The following KAZN variants were observed in gnomAD, a reference collection of about 807,000 sequenced individuals.
KAZN encodes the protein kazrin, periplakin interacting protein.
In KAZN, 40 loss-of-function variants were observed where a neutral mutation model predicts 87.4. That is an observed-to-expected ratio of 0.46 (90% CI 0.36 to 0.60). KAZN has a LOEUF of 0.60. Among genes scored for constraint, KAZN ranks in the 20% least tolerant of loss-of-function variants. The pLI is 0.00. For synonymous variants in KAZN, 466 were observed against 458.3 expected, an observed-to-expected ratio of 1.02 and a Z score of -0.22; for missense variants, 898 against 1,073.9, an observed-to-expected ratio of 0.84 and a Z score of 2.29.
At chr1:15,044,975 T>C (rs1673327735) in intron 4 of KAZN, among the ~76,000 whole-genome samples, 1 of 152,080 alleles carries the variant, frequency 6.6e-6, no homozygotes, top group Non-Finnish European at 1.5e-5. Flanking sequence ...ACCCTCAAAA[T>C]ACTTCCAGAC....
At chr1:14,765,724 C>T (rs1440524355) in intron 1 of KAZN, among the ~76,000 whole-genome samples, 1 of 152,124 alleles carries the variant, frequency 6.6e-6, no homozygotes, top group Non-Finnish European at 1.5e-5. Flanking sequence ...GGGGAGTCCT[C>T]AAGCCAAAGT....
chr1:14,655,265 T>C (rs1638714784), intron 1 of KAZN, among the ~76,000 whole-genome samples: 1 of 152,172 alleles, frequency 6.6e-6, no homozygotes, highest in Non-Finnish European at 1.5e-5. Flanking sequence ...AGGGGGTGTT[T>C]AGGAACCCAC....
Position 14,885,968 on chromosome 1 carries a change from A to C in KAZN, c.227-74716A>C, listed in dbSNP as rs185968996. 8.5e-4 allele frequency among the ~76,000 whole-genome samples: 129 copies of C among 152,164 alleles called. 1 individual carries two copies. The highest frequency in any genetic ancestry group is 2.9e-3 in the African/African-American group (120 of 41,480). On this transcript the variant is annotated intron_variant, in intron 1 of 14. Coordinates refer to ENST00000376030, the MANE Select transcript of KAZN (RefSeq NM_201628.3). The stretch of plus-strand genomic sequence containing the variant: ...TGGGTACTGTCCTGTGCCCTGTAGG[A>C]TGTTTAGCAACATTCCTTACCTCTA...
rs114324479 is a variant in KAZN at position 14,474,524 on chromosome 1, C to G, written c.250-124459C>G. Among the ~76,000 whole-genome samples the G allele has an allele frequency of 9.4e-3, 1,435 of 152,322 alleles. 24 individuals carry two copies. Among genetic ancestry groups the G allele is most frequent in the Non-Finnish European group, 6.3e-3 (432 of 68,038 alleles). On this transcript the variant is annotated intron_variant, in intron 2 of 16. Coordinates refer to the KAZN transcript ENST00000636203. Reference sequence around the variant, plus strand: ...TTGGCTTATTTGAGGAATAAACGAACAGTTGACCGGCATAGCTGGCATAGC... The same window carrying G: ...TTGGCTTATTTGAGGAATAAACGAAGAGTTGACCGGCATAGCTGGCATAGC...
At chr1:14,681,759 C>T (rs1230519902) in intron 1 of KAZN, among the ~76,000 whole-genome samples, 1 of 138,954 alleles carries the variant, frequency 7.2e-6, no homozygotes, top group Non-Finnish European at 1.5e-5. Context: ...TCACTGCAAG[C>T]TCCGCCTCCC....
intron 1 of KAZN, among the ~76,000 whole-genome samples, chr1:14,918,668 T>C (rs1355843669): frequency 1.7e-4 from 15 of 86,132 alleles, no homozygotes; most frequent in Admixed American, 3.3e-4. Flanking sequence ...AGAGTAAGAC[T>C]CCATCTCAAA....
intron 2 of KAZN, among the ~76,000 whole-genome samples, chr1:14,187,355 C>A (rs1050729936): frequency 1.1e-4 from 16 of 152,160 alleles, no homozygotes; most frequent in African/African-American, 3.9e-4. Context: ...TAAAGCTACA[C>A]ACTACCCTCT....
chr1:14,707,589 T>C (rs1450547846), intron 1 of KAZN, among the ~76,000 whole-genome samples: 1 of 152,196 alleles, frequency 6.6e-6, no homozygotes, highest in African/African-American at 2.4e-5. Flanking sequence ...GCTCACCCTG[T>C]AATGCTACAG....
chr1:14,268,509 A>G (rs1487095526), intron 2 of KAZN, among the ~76,000 whole-genome samples: 1 of 151,670 alleles, frequency 6.6e-6, no homozygotes, highest in Admixed American at 6.6e-5. Flanking sequence ...AACAGCACAG[A>G]TTGAGAGGAA....
intron 1 of KAZN, among the ~76,000 whole-genome samples, chr1:13,901,184 C>T (rs1639237732): frequency 6.6e-6 from 1 of 152,202 alleles, no homozygotes; most frequent in South Asian, 2.1e-4. Context: ...GAAGGGCCCT[C>T]ATTGGACCGA....
At chr1:15,006,118 C>T (rs1294925836) in intron 2 of KAZN, among the ~76,000 whole-genome samples, 6 of 152,242 alleles carry the variant, frequency 3.9e-5, no homozygotes, top group African/African-American at 1.2e-4. Context: ...AACCCACTCA[C>T]TGGCCAGCCC....
intron 2 of KAZN, among the ~76,000 whole-genome samples, chr1:14,331,257 A>C (rs1039319503): frequency 4.6e-5 from 7 of 152,190 alleles, no homozygotes; most frequent in Non-Finnish European, 1.0e-4. Context: ...TCCAAGTGAG[A>C]GGCATCCATG....
chr1:14,685,717 A>G (rs1640914580), intron 1 of KAZN, among the ~76,000 whole-genome samples: 1 of 152,212 alleles, frequency 6.6e-6, no homozygotes, highest in South Asian at 2.1e-4. Context: ...AATGCTGTTT[A>G]GTTAGATACG....
chr1:14,978,623 C>T (rs544029044), intron 2 of KAZN, among the ~76,000 whole-genome samples: 1 of 152,260 alleles, frequency 6.6e-6, no homozygotes, highest in East Asian at 1.9e-4. Flanking sequence ...CAGGTCCCCA[C>T]CCCTGGGCTG....
chr1:14,412,574 A>T (rs546487029), intron 2 of KAZN, among the ~76,000 whole-genome samples: 2 of 152,314 alleles, frequency 1.3e-5, no homozygotes, highest in East Asian at 3.9e-4. Flanking sequence ...ATAAACTTTT[A>T]TGGAGAAATG....
chr1:14,441,623 T>C (rs889113787), intron 2 of KAZN, among the ~76,000 whole-genome samples: 33 of 152,314 alleles, frequency 2.2e-4, no homozygotes, highest in African/African-American at 7.9e-4. Context: ...TGTTTGCAGC[T>C]GCAACCCTCA....
intron 1 of KAZN, among the ~76,000 whole-genome samples, chr1:13,933,761 G>A (rs1443215505): frequency 1.3e-5 from 2 of 152,154 alleles, no homozygotes; most frequent in Non-Finnish European, 2.9e-5. Context: ...AAGGCATTGT[G>A]CTCATTTGAT....
At chr1:14,635,467 C>A (rs909765199) in intron 1 of KAZN, among the ~76,000 whole-genome samples, 1 of 152,194 alleles carries the variant, frequency 6.6e-6, no homozygotes, top group African/African-American at 2.4e-5. Context: ...AGGTCCCTGT[C>A]CAGTGCCTGG....
At chr1:14,943,999 G>A (rs535569500) in intron 1 of KAZN, among the ~76,000 whole-genome samples, 3 of 152,222 alleles carry the variant, frequency 2.0e-5, no homozygotes, top group East Asian at 1.9e-4. Context: ...GCTTGAACCC[G>A]GGAGGCGGAG....
Sources: allele counts gnomAD v4.1 joint callset (sites outside exome capture counted in the v4.1 genomes callset), GRCh38; gene constraint gnomAD v4.1.1; transcripts MANE v1.5; gene names NCBI Gene and HGNC (gene_info 2026-07-23, HGNC 2026-07-21).